Variants in GDPD5 observed in about 807,000 individuals in gnomAD.
GDPD5 encodes glycerophosphodiester phosphodiesterase 2.
A neutral mutation model predicts 75.1 loss-of-function variants in GDPD5; 48 were observed. The ratio of observed to expected loss-of-function variants is 0.64; its 90% CI spans 0.51 to 0.81. The LOEUF is 0.81. GDPD5 is among the 40% of genes least tolerant of loss of function. GDPD5 has a pLI of 0.00. For missense variants in GDPD5, 706 were observed against 822.6 expected, an observed-to-expected ratio of 0.86 and a Z score of 1.73; for synonymous variants, 336 against 339.0, an observed-to-expected ratio of 0.99 and a Z score of 0.10.
intron 12 of GDPD5, 27 bp downstream of exon 12, chr11:75,442,336 G>T (rs1232169820): frequency 1.3e-6 from 2 of 1,516,400 alleles, no homozygotes; most frequent in African/African-American, 2.8e-5. Context: ...GGGCTCCCGG[G>T]GGCAGAGCTG....
chr11:75,514,249 G>A (rs1950592623), intron 1 of GDPD5, among the ~76,000 whole-genome samples: 1 of 152,258 alleles, frequency 6.6e-6, no homozygotes, highest in Non-Finnish European at 1.5e-5. Flanking sequence ...CCAGCCACCA[G>A]CAGGACCCTA....
chr11:75,521,775 G>A (rs905148639), intron 1 of GDPD5, among the ~76,000 whole-genome samples: 3 of 147,676 alleles, frequency 2.0e-5, no homozygotes, highest in Admixed American at 1.4e-4. Context: ...AGCAGAGGCA[G>A]GGATGGCGGT....
At chr11:75,505,952 C>T (rs1389721679) in intron 1 of GDPD5, among the ~76,000 whole-genome samples, 1 of 152,186 alleles carries the variant, frequency 6.6e-6, no homozygotes, top group Non-Finnish European at 1.5e-5. Flanking sequence ...CCCTGGCTCT[C>T]AGGAACCCCT....
rs376714511 is a variant in GDPD5, at chr11:75,499,394, C to CTTTT, written c.-144-9078_-144-9075dup. Among the ~76,000 whole-genome samples the CTTTT allele has an allele frequency of 1.1e-4, 5 of 45,312 alleles. 1 individual carries two copies. Among genetic ancestry groups the CTTTT allele is most frequent in the African/African-American group, 2.2e-4 (5 of 22,640 alleles). The allele number at this position is 45,312 out of a possible 152,430, so 29.7% of individuals were successfully genotyped here. On this transcript the variant is annotated intron_variant, in intron 1 of 16. Transcript: ENST00000336898. ...ACTTTCCTTCTTTCTTCTTCTTTTC[C>CTTTT]TTTTTTTTTTTTTTTTTTTTTTTAA... is the stretch of plus-strand genomic sequence containing the variant.
chr11:75,435,688 G>A (rs747662962), intron 16 of GDPD5, 33 bp from the exon 17 acceptor site: 77 of 1,566,506 alleles, frequency 4.9e-5, no homozygotes, highest in South Asian at 3.2e-4. Context: ...AATGTGAGTC[G>A]GGGAGGAGGC....
intron 3 of GDPD5, among the ~76,000 whole-genome samples, chr11:75,472,132 A>G: frequency 6.6e-6 from 1 of 151,998 alleles, no homozygotes; most frequent in Non-Finnish European, 1.5e-5. Flanking sequence ...CCATGATCTA[A>G]TTGTATCTGT....
At chr11:75,474,894 C>T (rs74846953) in intron 3 of GDPD5, among the ~76,000 whole-genome samples, 17,012 of 152,306 alleles carry the variant, frequency 0.11, 1,234 homozygotes, top group Non-Finnish European at 0.15. Flanking sequence ...CCTTGCCTTT[C>T]TTCTTCCAGC....
chr11:75,463,200 C>A (rs1949451528), intron 3 of GDPD5, among the ~76,000 whole-genome samples: 1 of 152,214 alleles, frequency 6.6e-6, no homozygotes, highest in Non-Finnish European at 1.5e-5. Flanking sequence ...GGGGACGGCT[C>A]CCTTGGCGCT....
At chr11:75,520,281 G>A (rs1950730132) in intron 1 of GDPD5, among the ~76,000 whole-genome samples, 1 of 152,238 alleles carries the variant, frequency 6.6e-6, no homozygotes, top group Non-Finnish European at 1.5e-5. Context: ...TGCTGATGGA[G>A]TACCCACCTG....
Position 75,439,957 on chromosome 11 carries a change from G to C in GDPD5, c.1478C>G (p.Pro493Arg). 6.2e-7 allele frequency: 1 copy of C among 1,612,172 alleles called. No homozygotes were observed. The highest frequency in any genetic ancestry group is 8.5e-7 in the Non-Finnish European group (1 of 1,178,686). The change falls in exon 15 of 17, where the codon CCG (proline) becomes CGG (arginine). Residue 493 changes from proline (P) to arginine (R), a missense_variant. Coordinates refer to ENST00000336898, the MANE Select transcript of GDPD5 (RefSeq NM_030792.8). ...QVPSPLWIMP[P>R]DEYCLMWVTA... ...GACCCACATGAGACAGTACTCGTCC[G>C]GGGGCTGTGGACAGACGGCCCGAGG...
intron 2 of GDPD5, among the ~76,000 whole-genome samples, chr11:75,481,858 C>T (rs1949926411): frequency 6.6e-6 from 1 of 152,010 alleles, no homozygotes; most frequent in Non-Finnish European, 1.5e-5. Flanking sequence ...TGCTCTGTGG[C>T]TGGGGCCACT....
Position 75,434,964 on chromosome 11 carries a change from T to A in GDPD5, c.*543A>T, listed in dbSNP as rs767416486. On this transcript the variant is annotated 3_prime_UTR_variant, in exon 17 of 17. Transcript: ENST00000336898. Reference sequence around the variant, plus strand: ...GGGTTGGCGGTGGCATGAGGTGGGTTGGGGAGGAGGACGTGTCTCCACATT... The same window carrying A: ...GGGTTGGCGGTGGCATGAGGTGGGTAGGGGAGGAGGACGTGTCTCCACATT... The A allele has an allele frequency of 6.5e-6, 1 of 152,882 alleles. No homozygotes were observed. Among genetic ancestry groups the A allele is most frequent in the Non-Finnish European group, 1.5e-5 (1 of 68,294 alleles). The allele number at this position is 152,882 out of a possible 1,614,324, so 9.5% of individuals were successfully genotyped here.
chr11:75,510,760 C>A (rs769356278), intron 1 of GDPD5, among the ~76,000 whole-genome samples: 5 of 151,868 alleles, frequency 3.3e-5, no homozygotes, highest in African/African-American at 7.3e-5. Context: ...CCCCCTCCCC[C>A]CTCCTCCTCC....
intron 3 of GDPD5, among the ~76,000 whole-genome samples, chr11:75,474,494 C>T (rs1240693250): frequency 6.6e-6 from 1 of 152,212 alleles, no homozygotes; most frequent in Non-Finnish European, 1.5e-5. Flanking sequence ...TTGAGTGAGC[C>T]TGGCCTCCTG....
chr11:75,437,299 C>A (rs1948652312), intron 15 of GDPD5: 1 of 525,158 alleles, frequency 1.9e-6, no homozygotes, highest in Non-Finnish European at 3.4e-6. Context: ...TGGCCCAGGA[C>A]TAGGGTTGGT....
At chr11:75,518,659 C>G (rs1950693339) in intron 1 of GDPD5, among the ~76,000 whole-genome samples, 1 of 152,184 alleles carries the variant, frequency 6.6e-6, no homozygotes, top group African/African-American at 2.4e-5. Flanking sequence ...TACCCTGACC[C>G]CATTTTACAA....
rs111369913 is a variant in GDPD5, at chr11:75,470,743, G to A, written c.117+6876C>T. Among the ~76,000 whole-genome samples, 275 of 152,314 alleles carry A rather than the reference G, an allele frequency of 1.8e-3. 1 individual carries two copies. The highest frequency in any genetic ancestry group is 0.01 in the Middle Eastern group (3 of 294). On this transcript the variant is annotated intron_variant, in intron 3 of 16. Transcript: ENST00000336898. ...ATCCATCTGGAATTTATTTTGGTGTGAAGTAAAAGGCAGGGATCTAATTTT... is the reference window on the plus strand; with the variant it reads ...ATCCATCTGGAATTTATTTTGGTGTAAAGTAAAAGGCAGGGATCTAATTTT...
intron 1 of GDPD5, among the ~76,000 whole-genome samples, chr11:75,520,419 T>G (rs1950732898): frequency 6.6e-6 from 1 of 152,168 alleles, no homozygotes; most frequent in Non-Finnish European, 1.5e-5. Context: ...CAGCTTGCAC[T>G]GCCTCCCCTG....
At chr11:75,477,945 C>A in intron 2 of GDPD5, 150 bp from the exon 3 acceptor site, 1 of 401,420 alleles carries the variant, frequency 2.5e-6, no homozygotes, top group East Asian at 3.7e-5. Flanking sequence ...CAGGCCCACC[C>A]CTGCAGGTCC....
Sources: allele counts gnomAD v4.1 joint callset (sites outside exome capture counted in the v4.1 genomes callset), GRCh38; gene constraint gnomAD v4.1.1; transcripts MANE v1.5; gene names NCBI Gene and HGNC (gene_info 2026-07-23, HGNC 2026-07-21).